Variants in DGCR2 observed in about 807,000 individuals in gnomAD.
The protein encoded by DGCR2 is DiGeorge syndrome critical region gene 2, also known as integral membrane protein DGCR2/IDD.
A neutral mutation model predicts 51.6 loss-of-function variants in DGCR2; 24 were observed. The ratio of observed to expected loss-of-function variants is 0.47; its 90% CI spans 0.34 to 0.65. The LOEUF (loss-of-function observed/expected upper bound fraction) is 0.65, where lower values mean the gene tolerates loss of function less well. Among genes scored for constraint, DGCR2 ranks in the 30% least tolerant of loss-of-function variants. The probability of loss-of-function intolerance (pLI) is 0.01; values close to 1 mark genes in which losing one functional copy is unlikely to be tolerated. For missense variants in DGCR2, 765 were observed against 772.1 expected, an observed-to-expected ratio of 0.99 and a Z score of 0.11; for synonymous variants, 340 against 315.4, an observed-to-expected ratio of 1.08 and a Z score of -0.82.
At chr22:19,109,049 A>AT (rs2083288488) in intron 1 of DGCR2, among the ~76,000 whole-genome samples, 1 of 151,830 alleles carries the variant, frequency 6.6e-6, no homozygotes, top group African/African-American at 2.4e-5. Context: ...GAAAAAAAAA[A>AT]CCTCCTTAAT....
At chr22:19,104,296 C>T (rs774408943) in intron 1 of DGCR2, among the ~76,000 whole-genome samples, 7 of 152,154 alleles carry the variant, frequency 4.6e-5, no homozygotes, top group African/African-American at 7.2e-5. Flanking sequence ...TGGATTCATG[C>T]CCTGTAGAAA....
chr22:19,088,808 T>C (rs975727460), intron 2 of DGCR2, among the ~76,000 whole-genome samples: 5 of 152,210 alleles, frequency 3.3e-5, no homozygotes, highest in Non-Finnish European at 5.9e-5. Context: ...CCTGTATTCC[T>C]TGAGGGTGCT....
Position 19,122,121 on chromosome 22 carries a change from G to A in DGCR2, c.79+7C>T, listed in dbSNP as rs755344411. On this transcript the variant is annotated splice_region_variant and intron_variant, in intron 1 of 9. Transcript: ENST00000263196. ...AGCCCCCACACCGCCCCCATCGCGC[G>A]GCGCACCTGGCCGCAGCGGCTCGGT... is the stretch of plus-strand genomic sequence containing the variant. 1 of 1,487,822 alleles carries A rather than the reference G, an allele frequency of 6.7e-7. No homozygotes were observed. The highest frequency in any genetic ancestry group is 8.9e-7 in the Non-Finnish European group (1 of 1,117,706). The allele number at this position is 1,487,822 out of a possible 1,614,324, so 92.2% of individuals were successfully genotyped here. A position where few individuals can be genotyped will look rare whatever the true frequency, so the allele number is the denominator to read the frequency against.
intron 2 of DGCR2, among the ~76,000 whole-genome samples, chr22:19,088,082 A>G (rs1040886459): frequency 6.6e-6 from 1 of 152,066 alleles, no homozygotes; most frequent in African/African-American, 2.4e-5. Context: ...TTCAAATGTC[A>G]CCTAATCCCC....
chr22:19,077,670 G>A (rs1352251490), intron 2 of DGCR2, among the ~76,000 whole-genome samples: 1 of 152,116 alleles, frequency 6.6e-6, no homozygotes, highest in Non-Finnish European at 1.5e-5. Flanking sequence ...GCTCTTTGGA[G>A]TCTGCTGAGA....
intron 7 of DGCR2, among the ~76,000 whole-genome samples, chr22:19,044,533 C>T (rs1177605507): frequency 1.3e-5 from 2 of 152,064 alleles, no homozygotes; most frequent in Non-Finnish European, 2.9e-5. Context: ...CTGCACCAGC[C>T]AAACACCTCA....
At chr22:19,098,493 C>T (rs1272423078) in intron 1 of DGCR2, among the ~76,000 whole-genome samples, 1 of 152,134 alleles carries the variant, frequency 6.6e-6, no homozygotes, top group Non-Finnish European at 1.5e-5. Context: ...TCCAATAAAG[C>T]TTTAGCGAAA....
chr22:19,058,598 C>T (rs2082628029), intron 5 of DGCR2, among the ~76,000 whole-genome samples: 2 of 152,228 alleles, frequency 1.3e-5, no homozygotes, highest in South Asian at 2.1e-4. Flanking sequence ...CTTCTTGTCC[C>T]GTGGCAAGAA....
chr22:19,041,406 C>A, intron 8 of DGCR2, 112 bp from the exon 9 acceptor site: 1 of 1,045,372 alleles, frequency 9.6e-7, no homozygotes, highest in Admixed American at 2.0e-5. Flanking sequence ...AGTGCACACA[C>A]CTGTGCCCCG....
At position 19,038,761 on chromosome 22, in the gene DGCR2, C is replaced by A. The variant is rs1057170030; in HGVS notation, c.*104G>T. The A allele has an allele frequency of 6.8e-7, 1 of 1,460,344 alleles. No individual in the cohort carries two copies. Among genetic ancestry groups the A allele is most frequent in the East Asian group, 2.3e-5 (1 of 43,682 alleles). 90.5% of individuals were successfully genotyped at this position (1,460,344 alleles called of 1,614,324 possible). ...AGCCCGCCAGTGACGTGCGGCAGTGCGTGGCGTCCAGGCTGGGACAGGGGC... is the reference window on the plus strand; with the variant it reads ...AGCCCGCCAGTGACGTGCGGCAGTGAGTGGCGTCCAGGCTGGGACAGGGGC... On this transcript the variant is annotated 3_prime_UTR_variant, in exon 10 of 10. Coordinates refer to ENST00000263196, the MANE Select transcript of DGCR2 (RefSeq NM_005137.3).
chr22:19,107,451 CAGG>C (rs2083271070), intron 1 of DGCR2, among the ~76,000 whole-genome samples: 1 of 152,196 alleles, frequency 6.6e-6, no homozygotes, highest in South Asian at 2.1e-4. Context: ...TTTCTACCTC[CAGG>C]AGAAGAAGTG....
At chr22:19,067,227 C>T (rs2082759690) in intron 3 of DGCR2, among the ~76,000 whole-genome samples, 1 of 152,196 alleles carries the variant, frequency 6.6e-6, no homozygotes, top group African/African-American at 2.4e-5. Context: ...ATCAGTCCTG[C>T]CTGGTCCACA....
chr22:19,115,912 T>C (rs2083368446), intron 1 of DGCR2, among the ~76,000 whole-genome samples: 1 of 152,234 alleles, frequency 6.6e-6, no homozygotes, highest in African/African-American at 2.4e-5. Flanking sequence ...CACATTTCAG[T>C]TCAGGGTTCC....
chr22:19,053,452 C>T (rs1046079908), intron 6 of DGCR2, among the ~76,000 whole-genome samples: 4 of 152,170 alleles, frequency 2.6e-5, no homozygotes, highest in Non-Finnish European at 4.4e-5. Flanking sequence ...AACAACAATG[C>T]TGCTAAATAC....
chr22:19,066,688 T>C (rs1278813687), intron 3 of DGCR2, among the ~76,000 whole-genome samples: 1 of 152,104 alleles, frequency 6.6e-6, no homozygotes, highest in African/African-American at 2.4e-5. Flanking sequence ...GAAGGAGACA[T>C]CCCAGGATGG....
intron 5 of DGCR2, among the ~76,000 whole-genome samples, chr22:19,062,141 C>G (rs1259339742): frequency 2.0e-5 from 3 of 152,200 alleles, no homozygotes; most frequent in Non-Finnish European, 2.9e-5. Flanking sequence ...AACCCAGAAG[C>G]CATTGATTAG....
intron 9 of DGCR2, among the ~76,000 whole-genome samples, chr22:19,039,788 C>CAT (rs781471196): frequency 6.6e-6 from 1 of 152,134 alleles, no homozygotes; most frequent in South Asian, 2.1e-4. Flanking sequence ...GACCATGGCT[C>CAT]ATGACAGCCT....
At chr22:19,041,773 G>A (rs200000740) in intron 8 of DGCR2, 34 bp downstream of exon 8, 2 of 1,599,360 alleles carry the variant, frequency 1.3e-6, no homozygotes, top group East Asian at 4.5e-5. Context: ...GGTGGGGATG[G>A]GGACCAGGGT....
intron 6 of DGCR2, among the ~76,000 whole-genome samples, chr22:19,052,727 G>A (rs1047596116): frequency 4.6e-5 from 7 of 152,026 alleles, no homozygotes; most frequent in African/African-American, 1.7e-4. Context: ...GCTGCAGTGA[G>A]CAGTGATCAC....
Sources: gnomAD v4.1 joint callset for allele counts (sites outside exome capture counted in the v4.1 genomes callset) on GRCh38, gnomAD v4.1.1 for gene constraint, MANE v1.5 for transcripts, NCBI Gene and HGNC (gene_info 2026-07-23, HGNC 2026-07-21) for gene names.